Variants in TERB1 observed in about 807,000 individuals in gnomAD.
TERB1 encodes telomere repeat binding bouquet formation protein 1.
Under a neutral mutation model 92.3 loss-of-function variants are expected in TERB1, and 63 were observed. The ratio of observed to expected loss-of-function variants is 0.68; its 90% confidence interval spans 0.56 to 0.84. TERB1 has a LOEUF of 0.84. Ranked by LOEUF, TERB1 falls within the 40% of genes least tolerant of loss-of-function variation. The pLI, the probability that TERB1 is intolerant of heterozygous loss-of-function variation, is 0.00. For synonymous variants in TERB1, 252 were observed against 283.9 expected (o/e 0.89, Z 1.13); for missense variants, 709 against 843.7 (o/e 0.84, Z 1.98).
intron 7 of TERB1, 32 bp downstream of exon 7, chr16:66,786,193 T>C: frequency 1.3e-6 from 2 of 1,535,260 alleles, no homozygotes; most frequent in Non-Finnish European, 1.8e-6. Context: ...AAGTAATGAA[T>C]AATTAACAAA....
chr16:66,783,653 T>C (rs1473957727), intron 9 of TERB1, among the ~76,000 whole-genome samples: 1 of 152,238 alleles, frequency 6.6e-6, no homozygotes, highest in Non-Finnish European at 1.5e-5. Context: ...CTGAAATGTT[T>C]AGCAGAATTC....
chr16:66,785,696 T>C (rs555339681), intron 9 of TERB1, 90 bp downstream of exon 9: 2 of 1,294,696 alleles, frequency 1.5e-6, no homozygotes, highest in Non-Finnish European at 2.1e-6. Context: ...ATTACAAGAA[T>C]TCAATTGATT....
chr16:66,788,139 T>C, intron 6 of TERB1, 30 bp downstream of exon 6: 1 of 1,368,218 alleles, frequency 7.3e-7, no homozygotes, highest in Non-Finnish European at 9.7e-7. Flanking sequence ...ATTAAAGTGT[T>C]TTCAAATAGT....
At chr16:66,771,694 G>A (rs2018455328) in intron 13 of TERB1, among the ~76,000 whole-genome samples, 1 of 151,356 alleles carries the variant, frequency 6.6e-6, no homozygotes, top group Non-Finnish European at 1.5e-5. Context: ...TACATGTGTA[G>A]CAGGTATTTA....
chr16:66,784,608 C>T (rs1007977416), intron 9 of TERB1, among the ~76,000 whole-genome samples: 1 of 152,004 alleles, frequency 6.6e-6, no homozygotes, highest in African/African-American at 2.4e-5. Flanking sequence ...GCTGGGATTA[C>T]AGGTGTGAGC....
intron 16 of TERB1, among the ~76,000 whole-genome samples, chr16:66,763,891 C>A (rs1371071504): frequency 3.3e-5 from 5 of 152,078 alleles, no homozygotes; most frequent in Non-Finnish European, 7.3e-5. Context: ...AGATAGTTGG[C>A]TGAGATGAAG....
chr16:66,765,465 T>C (rs532386187), intron 16 of TERB1, among the ~76,000 whole-genome samples: 5 of 152,094 alleles, frequency 3.3e-5, no homozygotes, highest in East Asian at 1.9e-4. Flanking sequence ...TTCTTTCTTT[T>C]TTTTTTTTTG....
At chr16:66,788,993 A>G (rs1436991149) in intron 5 of TERB1, among the ~76,000 whole-genome samples, 1 of 135,302 alleles carries the variant, frequency 7.4e-6, no homozygotes, top group Non-Finnish European at 1.6e-5. Flanking sequence ...TGGGAAGGGT[A>G]GTGGAAAGTG....
intron 16 of TERB1, among the ~76,000 whole-genome samples, chr16:66,766,301 A>T (rs190486778): frequency 6.6e-6 from 1 of 152,296 alleles, no homozygotes; most frequent in East Asian, 1.9e-4. Flanking sequence ...AAGATATGAG[A>T]TTCAGCTTAT....
intron 13 of TERB1, 67 bp downstream of exon 13, chr16:66,772,522 G>C (rs976051800): frequency 5.8e-6 from 8 of 1,379,802 alleles, no homozygotes; most frequent in South Asian, 4.1e-5. Flanking sequence ...GTGTAGTATG[G>C]AGAAAAAAGA....
chr16:66,779,595 C>G (rs1032871347), intron 9 of TERB1, among the ~76,000 whole-genome samples: 1 of 151,710 alleles, frequency 6.6e-6, no homozygotes, highest in Admixed American at 6.6e-5. Flanking sequence ...AAGACTCTGT[C>G]TCAAAAAACA....
At chr16:66,786,346 A>C (rs1225454358) in intron 6 of TERB1, 61 bp from the exon 7 acceptor site, 1 of 1,131,720 alleles carries the variant, frequency 8.8e-7, no homozygotes, top group Admixed American at 2.5e-5. Flanking sequence ...GCAGAAATGA[A>C]GAACAGTTAA....
In TERB1 at chr16:66,778,925, A is replaced by G; in HGVS notation, c.791T>C (p.Leu264Pro). Reference sequence around the variant, plus strand: ...AACCACTGCAAGTTTAGCACTGGAAAGAGTCTCATGTGAATCAGATTCCAG... The same window carrying G: ...AACCACTGCAAGTTTAGCACTGGAAGGAGTCTCATGTGAATCAGATTCCAG... Reference protein sequence around the residue: ...MQLESDSHETLSSAKLAVVVT... With the variant: ...MQLESDSHETPSSAKLAVVVT... The change falls in exon 10 of 19, where the codon CTT becomes CCT. Residue 264 changes from leucine (L) to proline (P), a missense_variant. Transcript: ENST00000433154. 6.5e-7 allele frequency: 1 copy of G among 1,536,248 alleles called. No homozygotes were observed. Among genetic ancestry groups the G allele is most frequent in the African/African-American group, 1.4e-5 (1 of 72,984 alleles).
In TERB1 at chr16:66,754,897, T is replaced by G; in HGVS notation, c.*79A>C. 7.7e-7 allele frequency: 1 copy of G among 1,298,898 alleles called. No homozygotes were observed. The highest frequency in any genetic ancestry group is 1.1e-6 in the Non-Finnish European group (1 of 943,248). The allele number at this position is 1,298,898 out of a possible 1,614,324, so 80.5% of individuals were successfully genotyped here. A position where few individuals can be genotyped will look rare whatever the true frequency, so the allele number is the denominator to read the frequency against. ...TTTCCACATTCCTTCTCATGAGAGT[T>G]TAGAAAAATACTTTAAATGTATCTT... On this transcript the variant is annotated 3_prime_UTR_variant, in exon 19 of 19. Coordinates refer to ENST00000433154, the MANE Select transcript of TERB1 (RefSeq NM_001136505.2).
At chr16:66,780,711 A>C (rs1287327061) in intron 9 of TERB1, among the ~76,000 whole-genome samples, 1 of 152,210 alleles carries the variant, frequency 6.6e-6, no homozygotes, top group African/African-American at 2.4e-5. Context: ...TGTACACTGA[A>C]TATTTCAGAT....
At chr16:66,787,147 G>A (rs2018742564) in intron 6 of TERB1, among the ~76,000 whole-genome samples, 1 of 152,080 alleles carries the variant, frequency 6.6e-6, no homozygotes, top group African/African-American at 2.4e-5. Flanking sequence ...CACTCAGGCT[G>A]GAGTACAGTG....
intron 3 of TERB1, among the ~76,000 whole-genome samples, chr16:66,791,769 A>C (rs554657452): frequency 1.3e-5 from 2 of 152,300 alleles, no homozygotes; most frequent in East Asian, 3.8e-4. Flanking sequence ...GAATAGTCCT[A>C]TATCTATGAA....
In TERB1 at chr16:66,800,990, T is replaced by A. The variant is rs1017571637; in HGVS notation, c.-46A>T. The A allele has an allele frequency of 1.3e-5, 2 of 152,362 alleles. No homozygotes were observed. Among genetic ancestry groups the A allele is most frequent in the Non-Finnish European group, 2.9e-5 (2 of 68,180 alleles). 9.4% of individuals were successfully genotyped at this position (152,362 alleles called of 1,614,324 possible). ...CGGCCCGCTCACCTACAGAGTTGGATGAATTCCTTGTGCAGAGCTTAGGTG... is the reference window on the plus strand; with the variant it reads ...CGGCCCGCTCACCTACAGAGTTGGAAGAATTCCTTGTGCAGAGCTTAGGTG... On this transcript the variant is annotated 5_prime_UTR_variant, in exon 2 of 19. Coordinates refer to ENST00000433154, the MANE Select transcript of TERB1 (RefSeq NM_001136505.2).
At chr16:66,784,158 T>A (rs2018682167) in intron 9 of TERB1, among the ~76,000 whole-genome samples, 1 of 152,246 alleles carries the variant, frequency 6.6e-6, no homozygotes, top group Non-Finnish European at 1.5e-5. Context: ...TACTTTGTGA[T>A]CAGTCTGGCT....
Sources: gnomAD v4.1 joint callset for allele counts (sites outside exome capture counted in the v4.1 genomes callset) on GRCh38, gnomAD v4.1.1 for gene constraint, MANE v1.5 for transcripts, NCBI Gene and HGNC (gene_info 2026-07-23, HGNC 2026-07-21) for gene names.